Variants in THSD7B observed in about 807,000 individuals in gnomAD.
The protein encoded by THSD7B is thrombospondin type 1 domain containing 7B.
THSD7B carries 138 observed loss-of-function variants against 213.6 expected under a neutral mutation model. That is an observed-to-expected ratio of 0.65 (90% CI 0.56 to 0.74). THSD7B has a LOEUF of 0.74. Among genes scored for constraint, THSD7B ranks in the 30% least tolerant of loss-of-function variants. The pLI is 0.00. For missense variants in THSD7B, 1,931 were observed against 1,991.5 expected, an observed-to-expected ratio of 0.97 and a Z score of 0.58; for synonymous variants, 742 against 687.0, an observed-to-expected ratio of 1.08 and a Z score of -1.25.
intron 2 of THSD7B, among the ~76,000 whole-genome samples, chr2:137,007,787 G>A (rs761269323): frequency 2.0e-5 from 3 of 152,162 alleles, no homozygotes; most frequent in Non-Finnish European, 2.9e-5. Context: ...ACTCAGAGAA[G>A]TCTGTATGAT....
rs1383663374 is a variant in THSD7B at position 137,405,900 on chromosome 2, A to C, written c.2695+93A>C. 6 of 1,160,304 alleles carry C rather than the reference A, an allele frequency of 5.2e-6. No homozygotes were observed. In the Admixed American group the frequency reaches 1.7e-4, roughly 33 times the overall value. The allele number at this position is 1,160,304 out of a possible 1,614,324, so 71.9% of individuals were successfully genotyped here. On this transcript the variant is annotated intron_variant, in intron 13 of 27. Coordinates refer to ENST00000409968, the MANE Select transcript of THSD7B (RefSeq NM_001316349.2). ...TGAGGTCCAAAGGACAGGAATTTGC[A>C]TCAGGTCTCTTCCTCTCTCTCCATT...
intron 2 of THSD7B, among the ~76,000 whole-genome samples, chr2:136,930,769 A>G (rs1684614432): frequency 6.6e-6 from 1 of 152,204 alleles, no homozygotes; most frequent in South Asian, 2.1e-4. Context: ...TATTTTAAAG[A>G]ATCGGCCTGA....
intron 12 of THSD7B, among the ~76,000 whole-genome samples, chr2:137,350,576 T>C (rs575811448): frequency 6.6e-6 from 1 of 151,930 alleles, no homozygotes; most frequent in South Asian, 2.1e-4. Flanking sequence ...ATAGAACCAT[T>C]GCAGAGCATG....
At chr2:137,079,609 A>G (rs576354349) in intron 3 of THSD7B, among the ~76,000 whole-genome samples, 2 of 152,110 alleles carry the variant, frequency 1.3e-5, no homozygotes, top group Non-Finnish European at 2.9e-5. Context: ...CCACTACGAT[A>G]TGTGTGTCTT....
At chr2:136,884,555 C>T (rs1168439656) in intron 2 of THSD7B, among the ~76,000 whole-genome samples, 2 of 152,106 alleles carry the variant, frequency 1.3e-5, no homozygotes, top group African/African-American at 4.8e-5. Context: ...TTCAGGTAAA[C>T]ATCTTGAGCA....
intron 10 of THSD7B, among the ~76,000 whole-genome samples, chr2:137,266,313 T>C (rs1682588879): frequency 6.6e-6 from 1 of 152,178 alleles, no homozygotes; most frequent in African/African-American, 2.4e-5. Context: ...ACAAATAACC[T>C]AAAGTCTAAC....
At chr2:136,980,809 C>T (rs555877137) in intron 2 of THSD7B, among the ~76,000 whole-genome samples, 80 of 152,276 alleles carry the variant, frequency 5.3e-4, no homozygotes, top group African/African-American at 1.9e-3. Context: ...GTGGAAAATT[C>T]ATGGTTTCCC....
chr2:137,046,520 G>A (rs1454421166), intron 2 of THSD7B, among the ~76,000 whole-genome samples: 4 of 151,870 alleles, frequency 2.6e-5, no homozygotes, highest in African/African-American at 7.3e-5. Flanking sequence ...GCCTGAGGTC[G>A]GGAGTTCGAG....
intron 4 of THSD7B, among the ~76,000 whole-genome samples, chr2:137,102,534 T>C (rs1688170650): frequency 6.6e-6 from 1 of 152,134 alleles, no homozygotes; most frequent in Admixed American, 6.5e-5. Context: ...GGATGGAGAA[T>C]GAGTTTGACG....
rs1033745713 is a variant in THSD7B at position 137,583,535 on chromosome 2, C to T, written c.3423+10979C>T. 2.0e-4 allele frequency among the ~76,000 whole-genome samples: 31 copies of T among 152,280 alleles called. 1 individual carries two copies. The highest frequency in any genetic ancestry group is 3.4e-3 in the Middle Eastern group (1 of 294). On this transcript the variant is annotated intron_variant, in intron 17 of 27. Transcript: ENST00000409968. The stretch of plus-strand genomic sequence containing the variant: ...TTTGTATAAGGTGTGAGGAAGGGAT[C>T]CAGTTTCAGCTTTCTACATATGGCT...
intron 4 of THSD7B, among the ~76,000 whole-genome samples, chr2:137,101,546 C>T (rs373419750): frequency 1.3e-5 from 2 of 152,186 alleles, no homozygotes; most frequent in African/African-American, 4.8e-5. Flanking sequence ...CAGAACCATT[C>T]ACTCTCCTGG....
In THSD7B at chr2:136,806,771, T is replaced by C. The variant is rs150518596; in HGVS notation, c.-36+41084T>C. Among the ~76,000 whole-genome samples, 1,041 of 152,332 alleles carry C rather than the reference T, an allele frequency of 6.8e-3. 8 individuals carry two copies. The highest frequency in any genetic ancestry group is 0.013 in the Admixed American group (201 of 15,306). Reference sequence around the variant, plus strand: ...TTACTTCATTGGTTGTTTTCTAGTGTCCTTTCTCTGTTCCAGGGTCCCACC... The same window carrying C: ...TTACTTCATTGGTTGTTTTCTAGTGCCCTTTCTCTGTTCCAGGGTCCCACC... On this transcript the variant is annotated intron_variant, in intron 1 of 27. Coordinates refer to ENST00000409968, the MANE Select transcript of THSD7B (RefSeq NM_001316349.2).
At chr2:137,316,294 G>A (rs72977610) in intron 12 of THSD7B, among the ~76,000 whole-genome samples, 7 of 152,290 alleles carry the variant, frequency 4.6e-5, no homozygotes, top group Non-Finnish European at 7.4e-5. Flanking sequence ...TGTTCTTAAC[G>A]GAATGCCACA....
At chr2:137,162,898 T>G (rs1401768591) in intron 6 of THSD7B, among the ~76,000 whole-genome samples, 1 of 152,180 alleles carries the variant, frequency 6.6e-6, no homozygotes, top group Non-Finnish European at 1.5e-5. Flanking sequence ...TAGCTGGGAT[T>G]GCAGGCATGC....
intron 7 of THSD7B, among the ~76,000 whole-genome samples, chr2:137,209,619 G>T (rs1011497848): frequency 6.6e-6 from 1 of 151,980 alleles, no homozygotes; most frequent in Admixed American, 6.6e-5. Context: ...GTTGGATTTG[G>T]CAAGTGATTA....
chr2:136,956,148 C>T (rs1405785293), intron 2 of THSD7B, among the ~76,000 whole-genome samples: 1 of 151,906 alleles, frequency 6.6e-6, no homozygotes, highest in South Asian at 2.1e-4. Flanking sequence ...ATTAAATTTA[C>T]CCTGAATTAT....
At chr2:137,438,824 T>A (rs1241610705) in intron 14 of THSD7B, among the ~76,000 whole-genome samples, 3 of 152,154 alleles carry the variant, frequency 2.0e-5, no homozygotes, top group Non-Finnish European at 4.4e-5. Context: ...TACCTGTACC[T>A]GTGAACTTAT....
At chr2:137,377,553 A>T (rs1049628887) in intron 12 of THSD7B, among the ~76,000 whole-genome samples, 1 of 152,122 alleles carries the variant, frequency 6.6e-6, no homozygotes, top group Non-Finnish European at 1.5e-5. Flanking sequence ...AGCTCAGTTT[A>T]AAAAAATTAC....
intron 2 of THSD7B, among the ~76,000 whole-genome samples, chr2:136,989,602 G>A (rs1376169288): frequency 6.6e-6 from 1 of 152,120 alleles, no homozygotes; most frequent in Non-Finnish European, 1.5e-5. Context: ...AAATTACCCA[G>A]CCTCAGGTAT....
Sources: gnomAD v4.1 joint callset for allele counts (sites outside exome capture counted in the v4.1 genomes callset) on GRCh38, gnomAD v4.1.1 for gene constraint, MANE v1.5 for transcripts, NCBI Gene and HGNC (gene_info 2026-07-23, HGNC 2026-07-21) for gene names.